Variants in HUNK observed in about 807,000 individuals in gnomAD.
The protein encoded by HUNK is hormonally up-regulated neu tumor-associated kinase.
Under a neutral mutation model 61.0 loss-of-function variants are expected in HUNK, and 21 were observed. The ratio of observed to expected loss-of-function variants is 0.34; its 90% confidence interval spans 0.24 to 0.50. The LOEUF is 0.50. Among genes scored for constraint, HUNK ranks in the 20% least tolerant of loss-of-function variants. HUNK has a pLI of 0.98. For missense variants in HUNK, 772 were observed against 945.7 expected (o/e 0.82, Z 2.41); for synonymous variants, 371 against 386.1 (o/e 0.96, Z 0.46).
intron 3 of HUNK, among the ~76,000 whole-genome samples, chr21:31,941,716 C>T (rs775169123): frequency 7.9e-5 from 12 of 152,162 alleles, no homozygotes; most frequent in Non-Finnish European, 2.9e-5. Flanking sequence ...CAGGAAGTCT[C>T]TCTGGTCCTC....
intron 8 of HUNK, among the ~76,000 whole-genome samples, chr21:31,985,987 G>A (rs2053130096): frequency 6.6e-6 from 1 of 152,086 alleles, no homozygotes; most frequent in Admixed American, 6.5e-5. Flanking sequence ...AGATGAGGAT[G>A]GAGACAAGCC....
intron 4 of HUNK, among the ~76,000 whole-genome samples, chr21:31,954,812 T>C (rs1286469237): frequency 2.0e-5 from 3 of 152,134 alleles, no homozygotes; most frequent in African/African-American, 7.2e-5. Context: ...GTCAGGGTCT[T>C]GCTCTGTTGC....
At chr21:31,900,800 T>C (rs2052461398) in intron 1 of HUNK, among the ~76,000 whole-genome samples, 1 of 152,234 alleles carries the variant, frequency 6.6e-6, no homozygotes, top group Non-Finnish European at 1.5e-5. Flanking sequence ...AGTTTCAGTA[T>C]GGATCAGATG....
chr21:31,953,511 G>T (rs1387253476), intron 4 of HUNK, among the ~76,000 whole-genome samples: 2 of 152,212 alleles, frequency 1.3e-5, no homozygotes, highest in Non-Finnish European at 2.9e-5. Flanking sequence ...TGGGATTACA[G>T]GCGTGAGCCA....
At chr21:31,890,829 A>G (rs1453095155) in intron 1 of HUNK, among the ~76,000 whole-genome samples, 7 of 151,302 alleles carry the variant, frequency 4.6e-5, no homozygotes, top group Non-Finnish European at 1.0e-4. Flanking sequence ...TAGGCTAATC[A>G]TAATTTGTGT....
Position 32,000,184 on chromosome 21 carries a change from G to A in HUNK, c.*1000G>A. On this transcript the variant is annotated 3_prime_UTR_variant, in exon 11 of 11. Transcript: ENST00000270112. Reference sequence around the variant, plus strand: ...TGACAATTCAGAGCATAACTCAGATGGCGAGAAGGCAGCATTATCTCTGTG... The same window carrying A: ...TGACAATTCAGAGCATAACTCAGATAGCGAGAAGGCAGCATTATCTCTGTG... 2.5e-6 allele frequency: 1 copy of A among 399,040 alleles called. No individual in the cohort carries two copies. The highest frequency in any genetic ancestry group is 4.4e-6 in the Non-Finnish European group (1 of 226,084). 24.7% of individuals were successfully genotyped at this position (399,040 alleles called of 1,614,324 possible).
rs1165707383 is a variant in HUNK, at chr21:31,924,773, C to G, written c.554+13C>G. 7 of 1,580,474 alleles carry G rather than the reference C, an allele frequency of 4.4e-6. No individual in the cohort carries two copies. Among genetic ancestry groups the G allele is most frequent in the Non-Finnish European group, 6.0e-6 (7 of 1,163,878 alleles). On this transcript the variant is annotated intron_variant, in intron 2 of 10. Transcript: ENST00000270112. This position sits in a 1 kb window ranked among gnomAD's most constrained non-coding sequence, Gnocchi z 5.1. ...GGGTGGTCCACAGGTAAGGGCCAGG[C>G]CACGCTGGTGATCGCTGACTGTGTG... is the stretch of plus-strand genomic sequence containing the variant.
intron 1 of HUNK, among the ~76,000 whole-genome samples, chr21:31,875,190 C>G (rs553882888): frequency 1.0e-3 from 159 of 152,324 alleles, no homozygotes; most frequent in Non-Finnish European, 1.9e-3. Context: ...GGGCCTCTGC[C>G]CAGCCTGGGG....
chr21:31,947,188 C>T lies in HUNK; in HGVS notation c.746+1017C>T, dbSNP rs1355806994. ...ACATCCCAGGCTCAAGCCAGTGGCGCCTGCGCATTCCCACATCCCAGTCTC... is the reference window on the plus strand; with the variant it reads ...ACATCCCAGGCTCAAGCCAGTGGCGTCTGCGCATTCCCACATCCCAGTCTC... On this transcript the variant is annotated intron_variant, in intron 4 of 10. Coordinates refer to ENST00000270112, the MANE Select transcript of HUNK (RefSeq NM_014586.2). Among the ~76,000 whole-genome samples, 3 of 150,504 alleles carry T rather than the reference C, an allele frequency of 2.0e-5. No homozygotes were observed. In the East Asian group the frequency reaches 5.9e-4, roughly 29 times the overall value.
chr21:31,892,935 C>T (rs1787822641), intron 1 of HUNK, among the ~76,000 whole-genome samples: 1 of 150,940 alleles, frequency 6.6e-6, no homozygotes, highest in Admixed American at 6.9e-5. Context: ...ATTCACCCTG[C>T]CCCCTGCCTC....
intron 2 of HUNK, among the ~76,000 whole-genome samples, chr21:31,925,585 C>T (rs2052654106): frequency 6.6e-6 from 1 of 152,178 alleles, no homozygotes; most frequent in African/African-American, 2.4e-5. Context: ...AATCACCATT[C>T]GAATTTTGAA....
At chr21:31,971,943 C>T (rs186451239) in intron 6 of HUNK, among the ~76,000 whole-genome samples, 78 of 152,132 alleles carry the variant, frequency 5.1e-4, no homozygotes, top group African/African-American at 1.8e-3. Flanking sequence ...ACCTTCACGC[C>T]TCAGCTTCTA....
intron 4 of HUNK, among the ~76,000 whole-genome samples, chr21:31,949,360 C>A (rs2052833013): frequency 6.6e-6 from 1 of 152,194 alleles, no homozygotes; most frequent in Admixed American, 6.5e-5. Context: ...CCCCTCCCGG[C>A]AGCTAATGCC....
intron 5 of HUNK, among the ~76,000 whole-genome samples, chr21:31,967,624 G>A (rs890494009): frequency 2.8e-4 from 42 of 152,268 alleles, no homozygotes; most frequent in Admixed American, 2.5e-3. Flanking sequence ...CACTTTGGGA[G>A]GCTGAGGCGG....
At chr21:31,948,278 A>G (rs570516700) in intron 4 of HUNK, among the ~76,000 whole-genome samples, 2 of 152,248 alleles carry the variant, frequency 1.3e-5, no homozygotes, top group South Asian at 2.1e-4. Context: ...CTAACCTGGC[A>G]TTGTTTCCTA....
intron 1 of HUNK, among the ~76,000 whole-genome samples, chr21:31,909,923 C>T (rs915585910): frequency 5.3e-5 from 8 of 151,970 alleles, no homozygotes; most frequent in East Asian, 1.9e-4. Flanking sequence ...CCCTTTTATG[C>T]GGAATTCAGG....
At chr21:31,960,610 CATG>C (rs147987280) in intron 5 of HUNK, among the ~76,000 whole-genome samples, 5,527 of 152,098 alleles carry the variant, frequency 0.036, 325 homozygotes, top group African/African-American at 0.12. Flanking sequence ...GCCTCATAAT[CATG>C]GTGGAATATG....
intron 4 of HUNK, among the ~76,000 whole-genome samples, chr21:31,953,620 A>G (rs991159214): frequency 3.9e-5 from 6 of 152,220 alleles, no homozygotes; most frequent in Admixed American, 1.3e-4. Flanking sequence ...TGATGAAACA[A>G]TAGATCACAA....
At chr21:31,906,600 T>C (rs1255642285) in intron 1 of HUNK, among the ~76,000 whole-genome samples, 1 of 152,022 alleles carries the variant, frequency 6.6e-6, no homozygotes, top group Non-Finnish European at 1.5e-5. Flanking sequence ...TGGCTAATGT[T>C]TGTATTTTTT....
Sources: gnomAD v4.1 joint callset for allele counts (sites outside exome capture counted in the v4.1 genomes callset) on GRCh38, gnomAD v4.1.1 for gene constraint, Gnocchi (gnomAD v3.1) non-coding constraint, MANE v1.5 for transcripts, NCBI Gene and HGNC (gene_info 2026-07-23, HGNC 2026-07-21) for gene names.